The following TMEM132D variants were observed in gnomAD, a reference collection of about 807,000 sequenced individuals.
TMEM132D encodes the protein mature OL transmembrane protein.
TMEM132D carries 21 observed loss-of-function variants against 62.3 expected under a neutral mutation model. The observed-to-expected ratio is 0.34, with a 90% CI of 0.24 to 0.49. The LOEUF is 0.49. Among genes scored for constraint, TMEM132D ranks in the 20% least tolerant of loss-of-function variants. TMEM132D has a pLI of 0.99. For missense variants in TMEM132D, 1,346 were observed against 1,402.8 expected (o/e 0.96, Z 0.65); for synonymous variants, 621 against 575.6 (o/e 1.08, Z -1.13).
chr12:129,734,305 T>G (rs1346380209), intron 1 of TMEM132D, among the ~76,000 whole-genome samples: 1 of 152,216 alleles, frequency 6.6e-6, no homozygotes, highest in Non-Finnish European at 1.5e-5. Flanking sequence ...TTCCCTATTG[T>G]TTTTGGTGTT....
chr12:129,429,433 C>A (rs1872589539), intron 3 of TMEM132D, among the ~76,000 whole-genome samples: 1 of 152,046 alleles, frequency 6.6e-6, no homozygotes, highest in Non-Finnish European at 1.5e-5. Flanking sequence ...TTAGGGATGA[C>A]TTCTAGAAAA....
At chr12:129,128,385 G>T (rs1366232625) in intron 5 of TMEM132D, among the ~76,000 whole-genome samples, 1 of 152,170 alleles carries the variant, frequency 6.6e-6, no homozygotes, top group Non-Finnish European at 1.5e-5. Context: ...TTACAATCCT[G>T]GTGGAAGGTG....
At chr12:129,340,553 C>T (rs544001048) in intron 3 of TMEM132D, among the ~76,000 whole-genome samples, 5 of 151,152 alleles carry the variant, frequency 3.3e-5, no homozygotes, top group African/African-American at 9.7e-5. Context: ...TGAGAACATG[C>T]GGTGTTTGGT....
chr12:129,123,395 G>A (rs1010153986), intron 5 of TMEM132D, among the ~76,000 whole-genome samples: 2 of 151,490 alleles, frequency 1.3e-5, no homozygotes, highest in African/African-American at 4.9e-5. Context: ...TATTTTCTTA[G>A]ACACGTGCCC....
rs184607002 is a variant in TMEM132D at position 129,123,042 on chromosome 12, T to C, written c.1444-38340A>G. ...AATCTGAGGATAATCATAAAATATA[T>C]GTAACATTAAAAATATGGAGTTATA... On this transcript the variant is annotated intron_variant, in intron 5 of 8. Transcript: ENST00000422113. 2.7e-3 allele frequency among the ~76,000 whole-genome samples: 409 copies of C among 152,298 alleles called. 3 individuals carry two copies. Among genetic ancestry groups the C allele is most frequent in the Non-Finnish European group, 4.4e-3 (301 of 68,026 alleles).
At chr12:129,117,266 CA>C (rs1423320793) in intron 5 of TMEM132D, among the ~76,000 whole-genome samples, 1 of 149,162 alleles carries the variant, frequency 6.7e-6, no homozygotes, top group African/African-American at 2.5e-5. Context: ...GCTAGGGGTT[CA>C]GGGGGAGGAG....
chr12:129,460,709 G>A (rs1873637260), intron 3 of TMEM132D, among the ~76,000 whole-genome samples: 1 of 152,174 alleles, frequency 6.6e-6, no homozygotes. Context: ...GACCAGGGAT[G>A]GATCTCTGAA....
intron 2 of TMEM132D, among the ~76,000 whole-genome samples, chr12:129,664,940 C>G (rs1410120843): frequency 1.3e-5 from 2 of 152,110 alleles, no homozygotes; most frequent in Non-Finnish European, 2.9e-5. Flanking sequence ...CATTCACCAC[C>G]ACGAATGTAA....
At chr12:129,458,045 T>C (rs1487479443) in intron 3 of TMEM132D, among the ~76,000 whole-genome samples, 1 of 152,158 alleles carries the variant, frequency 6.6e-6, no homozygotes, top group African/African-American at 2.4e-5. Context: ...GGCCTCCAGC[T>C]CTGATGAGCC....
intron 2 of TMEM132D, among the ~76,000 whole-genome samples, chr12:129,599,852 C>G (rs1315341662): frequency 6.6e-6 from 1 of 152,188 alleles, no homozygotes; most frequent in Non-Finnish European, 1.5e-5. Context: ...TAAAACTGAT[C>G]ATCATGACCT....
At chr12:129,701,131 A>G (rs1228925480) in intron 1 of TMEM132D, among the ~76,000 whole-genome samples, 1 of 152,226 alleles carries the variant, frequency 6.6e-6, no homozygotes, top group Non-Finnish European at 1.5e-5. Flanking sequence ...GATTGGAAAC[A>G]GGAATGACTT....
chr12:129,838,440 G>A (rs1004852545), intron 1 of TMEM132D, among the ~76,000 whole-genome samples: 2 of 152,156 alleles, frequency 1.3e-5, no homozygotes, highest in African/African-American at 2.4e-5. Flanking sequence ...GGCCAGTTCA[G>A]GCATTGCACT....
chr12:129,163,776 C>G (rs1451510177), intron 5 of TMEM132D, among the ~76,000 whole-genome samples: 3 of 152,234 alleles, frequency 2.0e-5, no homozygotes, highest in Non-Finnish European at 4.4e-5. Flanking sequence ...CCCCTTCCTT[C>G]AATTCTTTCC....
chr12:129,192,403 G>A (rs1273688427), intron 5 of TMEM132D, among the ~76,000 whole-genome samples: 1 of 152,198 alleles, frequency 6.6e-6, no homozygotes, highest in African/African-American at 2.4e-5. Context: ...CACTCATTAT[G>A]TGATACTTGT....
intron 1 of TMEM132D, 21 bp from the exon 2 acceptor site, chr12:129,700,719 T>C: frequency 6.3e-7 from 1 of 1,583,094 alleles, no homozygotes. Context: ...GGAATCGCAG[T>C]GCAGGCGTTA....
intron 3 of TMEM132D, among the ~76,000 whole-genome samples, chr12:129,428,973 C>A (rs1369690367): frequency 6.6e-6 from 1 of 152,226 alleles, no homozygotes; most frequent in African/African-American, 2.4e-5. Flanking sequence ...AGTTTATACT[C>A]ACTGTAGTCC....
At chr12:129,852,889 A>C (rs907453264) in intron 1 of TMEM132D, 1 of 152,220 alleles carries the variant, frequency 6.6e-6, no homozygotes, top group African/African-American at 2.4e-5. Context: ...AGACTTTCCA[A>C]ACTTTTCTGA....
At chr12:129,486,702 C>T (rs1277696397) in intron 3 of TMEM132D, among the ~76,000 whole-genome samples, 1 of 152,170 alleles carries the variant, frequency 6.6e-6, no homozygotes, top group African/African-American at 2.4e-5. Context: ...GAATGAGGTG[C>T]TTACCTCCAT....
rs969683419 is a variant in TMEM132D at position 129,669,473 on chromosome 12, G to A, written c.968+30337C>T. Among the ~76,000 whole-genome samples, 5 of 152,140 alleles carry A rather than the reference G, an allele frequency of 3.3e-5. 1 individual carries two copies. The highest frequency in any genetic ancestry group is 7.3e-5 in the Non-Finnish European group (5 of 68,030). On this transcript the variant is annotated intron_variant, in intron 2 of 8. Coordinates refer to ENST00000422113, the MANE Select transcript of TMEM132D (RefSeq NM_133448.3). ...TAATCCCAGCACTCTGAGAGGCCGA[G>A]GTGGGCAGATCACCTGAGATCAGGA...
Sources: allele counts gnomAD v4.1 joint callset (sites outside exome capture counted in the v4.1 genomes callset), GRCh38; gene constraint gnomAD v4.1.1; transcripts MANE v1.5; gene names NCBI Gene and HGNC (gene_info 2026-07-23, HGNC 2026-07-21).